The following LUC7L variants were observed in gnomAD, a reference collection of about 807,000 sequenced individuals.
LUC7L encodes the protein putative RNA-binding protein Luc7-like 1.
Under a neutral mutation model 51.1 loss-of-function variants are expected in LUC7L, and 29 were observed. The observed-to-expected ratio is 0.57, with a 90% CI of 0.42 to 0.77. The LOEUF (loss-of-function observed/expected upper bound fraction) is 0.77. LUC7L is among the 30% of genes least tolerant of loss of function. LUC7L has a pLI of 0.00. For missense variants in LUC7L, 403 were observed against 511.9 expected (o/e 0.79, Z 2.05); for synonymous variants, 181 against 180.7 (o/e 1.00, Z -0.01).
At chr16:192,819 T>C in intron 7 of LUC7L, 108 bp downstream of exon 7, 1 of 965,946 alleles carries the variant, frequency 1.0e-6, no homozygotes. Flanking sequence ...TTTTCTTTTA[T>C]AACGGCCTAT....
chr16:208,642 G>A, intron 3 of LUC7L: 1 of 989,306 alleles, frequency 1.0e-6, no homozygotes. Flanking sequence ...CTCATGTTCT[G>A]AGGGTAGGGT....
chr16:190,176 G>A, intron 8 of LUC7L, 41 bp from the exon 9 acceptor site: 1 of 1,553,952 alleles, frequency 6.4e-7, no homozygotes, highest in Non-Finnish European at 8.8e-7. Flanking sequence ...CTCTATAGGT[G>A]CCAACACTAT....
At chr16:198,687 G>GT in intron 6 of LUC7L, among the ~76,000 whole-genome samples, 1 of 151,858 alleles carries the variant, frequency 6.6e-6, no homozygotes, top group African/African-American at 2.4e-5. Flanking sequence ...AGAACATAAT[G>GT]TTTTTTGTTT....
intron 3 of LUC7L, 151 bp from the exon 4 acceptor site, chr16:208,339 G>A (rs777383222): frequency 1.0e-5 from 6 of 583,010 alleles, no homozygotes; most frequent in Admixed American, 7.6e-5. Context: ...TACCACTAAC[G>A]CATTCATAAT....
At chr16:197,889 A>G (rs3918352) in intron 6 of LUC7L, among the ~76,000 whole-genome samples, 72,605 of 152,016 alleles carry the variant, frequency 0.48, 18,700 homozygotes, top group Non-Finnish European at 0.59. Context: ...AGTATGCGGT[A>G]AGGGGGGCTC....
intron 6 of LUC7L, among the ~76,000 whole-genome samples, chr16:194,844 A>G (rs1205019214): frequency 1.3e-5 from 2 of 152,178 alleles, no homozygotes; most frequent in Non-Finnish European, 2.9e-5. Context: ...ACTACTCCCA[A>G]TATCAACTCT....
At chr16:203,758 T>C (rs1384572174) in intron 5 of LUC7L, among the ~76,000 whole-genome samples, 1 of 150,508 alleles carries the variant, frequency 6.6e-6, no homozygotes, top group African/African-American at 2.5e-5. Flanking sequence ...GGCTCACACC[T>C]GTAATCCCAG....
chr16:208,991 C>T (rs1321792937), intron 3 of LUC7L: 1 of 151,448 alleles, frequency 6.6e-6, no homozygotes, highest in Admixed American at 6.6e-5. Flanking sequence ...GTCAGGAGTT[C>T]AAGACCAGTC....
Position 197,207 on chromosome 16 carries a change from CTTTTTTTTTTTTTTT to C in LUC7L, c.687+1840_687+1854del, listed in dbSNP as rs754309530. Among the ~76,000 whole-genome samples, 524 of 80,436 alleles carry C rather than the reference CTTTTTTTTTTTTTTT, an allele frequency of 6.5e-3. 5 individuals carry two copies. Among genetic ancestry groups the C allele is most frequent in the Middle Eastern group, 0.015 (1 of 66 alleles). The allele number at this position is 80,436 out of a possible 152,430, so 52.8% of individuals were successfully genotyped here. A position where few individuals can be genotyped will look rare whatever the true frequency, so the allele number is the denominator to read the frequency against. On this transcript the variant is annotated intron_variant, in intron 6 of 9. Transcript: ENST00000293872. ...AGGAGGCTGAGCCTCTGCACCCAGC[CTTTTTTTTTTTTTTT>C]TTTTTTTTTGAGACGGAGTCTTGCT...
At chr16:226,006 C>T (rs971518579) in intron 2 of LUC7L, among the ~76,000 whole-genome samples, 12 of 152,000 alleles carry the variant, frequency 7.9e-5, no homozygotes, top group Non-Finnish European at 1.2e-4. Context: ...ATGAAAATAC[C>T]CTACAGTGAA....
In LUC7L at chr16:201,737, C is replaced by CTTT. The variant is rs34083330; in HGVS notation, c.511-2502_511-2500dup. 3.6e-3 allele frequency among the ~76,000 whole-genome samples: 193 copies of CTTT among 54,282 alleles called. 7 individuals are homozygous for CTTT. Among genetic ancestry groups the CTTT allele is most frequent in the African/African-American group, 0.015 (167 of 10,954 alleles). 35.6% of individuals were successfully genotyped at this position (54,282 alleles called of 152,430 possible). On this transcript the variant is annotated intron_variant, in intron 5 of 9. Transcript: ENST00000293872. The stretch of plus-strand genomic sequence containing the variant: ...TACAGGCGTGAGCCACCGCACCAGG[C>CTTT]TTTTTTTTTTTTTTTTTTTTTTTTG...
At position 208,357 on chromosome 16, in the gene LUC7L, A is replaced by T. The variant is rs186803098; in HGVS notation, c.256-169T>A. ...CACTAACGCATTCATAATTGCATTAAATCAAGGGGATCTGTTAAACAGAAT... is the reference window on the plus strand; with the variant it reads ...CACTAACGCATTCATAATTGCATTATATCAAGGGGATCTGTTAAACAGAAT... On this transcript the variant is annotated intron_variant, in intron 3 of 9. Transcript: ENST00000293872. 9 of 553,400 alleles carry T rather than the reference A, an allele frequency of 1.6e-5. No individual in the cohort carries two copies. In the Admixed American group the frequency reaches 2.4e-4, roughly 15 times the overall value. The allele number at this position is 553,400 out of a possible 1,614,324, so 34.3% of individuals were successfully genotyped here.
intron 1 of LUC7L, 92 bp downstream of exon 1, chr16:229,187 G>A (rs1455481481): frequency 6.7e-6 from 10 of 1,494,010 alleles, no homozygotes; most frequent in Middle Eastern, 2.4e-4. Context: ...GCAGGCGCAG[G>A]CGCAGACGAT....
At chr16:203,353 A>G (rs1311850827) in intron 5 of LUC7L, among the ~76,000 whole-genome samples, 3 of 152,142 alleles carry the variant, frequency 2.0e-5, no homozygotes, top group Non-Finnish European at 4.4e-5. Flanking sequence ...AGAAGCAGAG[A>G]GAGTATCTTC....
intron 3 of LUC7L, among the ~76,000 whole-genome samples, chr16:211,610 A>C (rs2142085398): frequency 6.6e-6 from 1 of 152,350 alleles, no homozygotes; most frequent in Non-Finnish European, 1.5e-5. Context: ...GAGCAGATCT[A>C]AATGATAAAA....
chr16:228,886 T>C (rs1327624700), intron 1 of LUC7L: 1 of 1,325,548 alleles, frequency 7.5e-7, no homozygotes, highest in Non-Finnish European at 9.9e-7. Context: ...GTGTAGCTTC[T>C]TCCCAAGGAG....
At chr16:194,297 G>T (rs1336066495) in intron 6 of LUC7L, among the ~76,000 whole-genome samples, 1 of 152,058 alleles carries the variant, frequency 6.6e-6, no homozygotes. Context: ...TATGGAGATG[G>T]AATCTTGCTA....
At chr16:205,951 A>G (rs2049471453) in intron 5 of LUC7L, 53 bp downstream of exon 5, 2 of 1,574,394 alleles carry the variant, frequency 1.3e-6, no homozygotes, top group Admixed American at 4.1e-5. Context: ...CCAACGGTCA[A>G]CGCTGCCAAA....
chr16:189,943 C>A, intron 9 of LUC7L, 25 bp downstream of exon 9: 1 of 1,593,472 alleles, frequency 6.3e-7, no homozygotes. Flanking sequence ...CTGGTTGCAG[C>A]TACCGAAGGA....
Sources: allele counts gnomAD v4.1 joint callset (sites outside exome capture counted in the v4.1 genomes callset), GRCh38; gene constraint gnomAD v4.1.1; transcripts MANE v1.5; gene names NCBI Gene and HGNC (gene_info 2026-07-23, HGNC 2026-07-21).